Variants in ALDH1L2 observed in about 807,000 individuals in gnomAD.
ALDH1L2 encodes mitochondrial 10-formyltetrahydrofolate dehydrogenase.
In ALDH1L2, 91 loss-of-function variants were observed where a neutral mutation model predicts 111.0. The observed-to-expected ratio is 0.82, with a 90% CI of 0.69 to 0.98. ALDH1L2 has a LOEUF of 0.98. Among genes scored for constraint, ALDH1L2 ranks in the 50% least tolerant of loss-of-function variants. The probability of loss-of-function intolerance (pLI) is 0.00; values close to 1 mark genes in which losing one functional copy is unlikely to be tolerated. For synonymous variants in ALDH1L2, 374 were observed against 392.6 expected (o/e 0.95, Z 0.56); for missense variants, 995 against 1,126.8 (o/e 0.88, Z 1.67).
At chr12:105,034,277 G>T in intron 19 of ALDH1L2, 23 bp downstream of exon 19, 1 of 1,609,330 alleles carries the variant, frequency 6.2e-7, no homozygotes, top group Non-Finnish European at 8.5e-7. Flanking sequence ...AAACAACTCA[G>T]AGTAAATGTG....
Position 105,034,410 on chromosome 12 carries a change from G to A in ALDH1L2, c.2146-12C>T, listed in dbSNP as rs966305576. ...ACTGCTCCCATGCCCTTCAGTGGGAGAAGAGAAAATATTGCTAACATCATT... is the reference window on the plus strand; with the variant it reads ...ACTGCTCCCATGCCCTTCAGTGGGAAAAGAGAAAATATTGCTAACATCATT... On this transcript the variant is annotated splice_polypyrimidine_tract_variant and intron_variant, in intron 18 of 22. Transcript: ENST00000258494. 15 of 1,606,000 alleles carry A rather than the reference G, an allele frequency of 9.3e-6. No homozygotes were observed. The highest frequency in any genetic ancestry group is 2.2e-5 in the East Asian group (1 of 44,704).
chr12:105,030,955 T>G (rs1436659916), intron 20 of ALDH1L2, among the ~76,000 whole-genome samples: 1 of 152,248 alleles, frequency 6.6e-6, no homozygotes, highest in Non-Finnish European at 1.5e-5. Flanking sequence ...TTTAGATTTC[T>G]TAAGGATCTT....
rs1369769530 is a variant in ALDH1L2 at position 105,065,025 on chromosome 12, A to C, written c.786+242T>G. ...TCCATGATAGCGTTTATCTTACTGC[A>C]CTGAGAATGTTTATTCACTTCTCTG... On this transcript the variant is annotated intron_variant, in intron 6 of 22. Coordinates refer to ENST00000258494, the MANE Select transcript of ALDH1L2 (RefSeq NM_001034173.4). 2.0e-5 allele frequency among the ~76,000 whole-genome samples: 3 copies of C among 152,230 alleles called. No individual in the cohort carries two copies. The East Asian group carries it at 5.8e-4, about 29-fold the overall frequency.
intron 8 of ALDH1L2, among the ~76,000 whole-genome samples, 193 bp from the exon 9 acceptor site, chr12:105,061,265 C>T (rs1286799999): frequency 6.6e-6 from 1 of 152,092 alleles, no homozygotes; most frequent in Non-Finnish European, 1.5e-5. Context: ...CCTGCACCAC[C>T]CCAGTCCTAG....
intron 7 of ALDH1L2, 34 bp downstream of exon 7, chr12:105,062,854 G>A (rs1877082219): frequency 1.3e-6 from 2 of 1,596,378 alleles, no homozygotes; most frequent in Non-Finnish European, 8.5e-7. Context: ...AAAATCAAAA[G>A]GTTATTTCAT....
At position 105,022,521 on chromosome 12, in the gene ALDH1L2, G is replaced by A. The variant is rs1049993458; in HGVS notation, c.*1903C>T. On this transcript the variant is annotated 3_prime_UTR_variant, in exon 23 of 23. Coordinates refer to ENST00000258494, the MANE Select transcript of ALDH1L2 (RefSeq NM_001034173.4). Reference sequence around the variant, plus strand: ...ATTCCATCTATCATTAAAATAATTTGATTAAATCATATTCTAAATCACATG... The same window carrying A: ...ATTCCATCTATCATTAAAATAATTTAATTAAATCATATTCTAAATCACATG... 1.3e-5 allele frequency: 2 copies of A among 152,124 alleles called. No homozygotes were observed. Among genetic ancestry groups the A allele is most frequent in the African/African-American group, 2.4e-5 (1 of 41,416 alleles). The allele number at this position is 152,124 out of a possible 1,614,324, so 9.4% of individuals were successfully genotyped here. A position where few individuals can be genotyped will look rare whatever the true frequency, so the allele number is the denominator to read the frequency against.
chr12:105,042,717 G>C (rs559017885), intron 15 of ALDH1L2, among the ~76,000 whole-genome samples: 57 of 152,072 alleles, frequency 3.7e-4, no homozygotes, highest in Non-Finnish European at 4.7e-4. Flanking sequence ...ATGTTCTATA[G>C]ATAATTTCAT....
In ALDH1L2 at chr12:105,061,713, T is replaced by C. The variant is rs1346328432; in HGVS notation, c.961A>G (p.Ile321Val). ...GTTGAAAAGTACTGAGAGGCAGGGA[T>C]CATTTTTCCATCTTCAAACTGCAGA... ...RNLQFEDGKM[I>V]PASQYFSTGE... Residue 321 changes from isoleucine (I) to valine (V), a missense_variant, in exon 8 of 23, where the codon ATC becomes GTC. By Grantham distance (29) the Ile-to-Val change is conservative. Transcript: ENST00000258494. The C allele has an allele frequency of 6.2e-7, 1 of 1,614,166 alleles. No individual in the cohort carries two copies. Among genetic ancestry groups the C allele is most frequent in the African/African-American group, 1.3e-5 (1 of 75,028 alleles).
intron 2 of ALDH1L2, among the ~76,000 whole-genome samples, chr12:105,072,044 C>G (rs1223554142): frequency 6.6e-6 from 1 of 151,164 alleles, no homozygotes; most frequent in Non-Finnish European, 1.5e-5. Context: ...TATTATCGTG[C>G]CACTACGCTC....
chr12:105,039,871 C>T (rs1182601759), intron 16 of ALDH1L2, 65 bp from the exon 17 acceptor site: 10 of 1,420,866 alleles, frequency 7.0e-6, no homozygotes, highest in Non-Finnish European at 8.9e-6. Flanking sequence ...TGGCTTACGC[C>T]TGTAATCCCC....
rs1187812393 is a variant in ALDH1L2, at chr12:105,023,671, A to T, written c.*753T>A. Reference sequence around the variant, plus strand: ...GAAGCAGAGGCTCAGAGGAGTTGCGAGAGTTTCCCAAAGTTACATAGATAG... The same window carrying T: ...GAAGCAGAGGCTCAGAGGAGTTGCGTGAGTTTCCCAAAGTTACATAGATAG... On this transcript the variant is annotated 3_prime_UTR_variant, in exon 23 of 23. Coordinates refer to ENST00000258494, the MANE Select transcript of ALDH1L2 (RefSeq NM_001034173.4). 6.6e-6 allele frequency: 1 copy of T among 152,160 alleles called. No homozygotes were observed. Among genetic ancestry groups the T allele is most frequent in the African/African-American group, 2.4e-5 (1 of 41,440 alleles). The allele number at this position is 152,160 out of a possible 1,614,324, so 9.4% of individuals were successfully genotyped here. A position where few individuals can be genotyped will look rare whatever the true frequency, so the allele number is the denominator to read the frequency against.
At chr12:105,044,602 C>T (rs575299423) in intron 15 of ALDH1L2, among the ~76,000 whole-genome samples, 13 of 148,504 alleles carry the variant, frequency 8.8e-5, no homozygotes, top group Non-Finnish European at 1.6e-4. Context: ...GAGTGGGAGA[C>T]AGTACTCTTG....
chr12:105,084,420 C>G lies in ALDH1L2; in HGVS notation c.17G>C (p.Ser6Thr). The G allele has an allele frequency of 1.3e-6, 2 of 1,493,624 alleles. No homozygotes were observed. Among genetic ancestry groups the G allele is most frequent in the Non-Finnish European group, 1.8e-6 (2 of 1,128,398 alleles). 92.5% of individuals were successfully genotyped at this position (1,493,624 alleles called of 1,614,324 possible). Residue 6 changes from serine to threonine, a missense_variant, in exon 1 of 23, where the codon AGC becomes ACC. Physicochemically the swap from Ser to Thr is moderately conservative, Grantham distance 58. Coordinates refer to ENST00000258494, the MANE Select transcript of ALDH1L2 (RefSeq NM_001034173.4). Reference sequence around the variant, plus strand: ...AGTGGAGAAGCGCCGGAGCGCCTGGCTGCCCCGCCGCAGCATGCTGGAGAG... The same window carrying G: ...AGTGGAGAAGCGCCGGAGCGCCTGGGTGCCCCGCCGCAGCATGCTGGAGAG... MLRRG[S>T]QALRRFSTGR...
At position 105,026,620 on chromosome 12, in the gene ALDH1L2, T is replaced by C. The variant is rs1874422079; in HGVS notation, c.2641A>G (p.Ile881Val). The C allele has an allele frequency of 6.2e-7, 1 of 1,614,066 alleles. No individual in the cohort carries two copies. Among genetic ancestry groups the C allele is most frequent in the African/African-American group, 1.3e-5 (1 of 74,934 alleles). The change falls in exon 22 of 23, where the codon ATT (isoleucine) becomes GTT (valine). Residue 881 changes from isoleucine (I) to valine (V), a missense_variant. By Grantham distance (29) the Ile-to-Val change is conservative (BLOSUM62 3). Coordinates refer to ENST00000258494, the MANE Select transcript of ALDH1L2 (RefSeq NM_001034173.4). ...SEKLEAGTVF[I>V]NTYNKTDVAA... is the part of the protein sequence containing the mutation. ...ACATCTGTCTTGTTGTATGTGTTAA[T>C]AAAAACAGTTCCTGCTTCCAGTTTT... is the stretch of plus-strand genomic sequence containing the variant.
intron 21 of ALDH1L2, among the ~76,000 whole-genome samples, chr12:105,027,459 G>A (rs1351220586): frequency 1.3e-5 from 2 of 152,156 alleles, no homozygotes; most frequent in South Asian, 2.1e-4. Context: ...GCCTGAAGCC[G>A]TTTCAGATCC....
intron 15 of ALDH1L2, among the ~76,000 whole-genome samples, chr12:105,043,208 T>C (rs908442638): frequency 6.6e-6 from 1 of 152,198 alleles, no homozygotes; most frequent in African/African-American, 2.4e-5. Flanking sequence ...CCTTGCTCAT[T>C]TGCCTTCAGA....
chr12:105,049,900 G>A lies in ALDH1L2; in HGVS notation c.1686+8C>T, dbSNP rs1876143301. 1 of 1,608,052 alleles carries A rather than the reference G, an allele frequency of 6.2e-7. No homozygotes were observed. The highest frequency in any genetic ancestry group is 1.7e-4 in the Middle Eastern group (1 of 6,034). The stretch of plus-strand genomic sequence containing the variant: ...TTTTCTTTCAGAACAAATAATATTT[G>A]TGCTTACCTGAATTTTGTCGCACCA... On this transcript the variant is annotated splice_region_variant and intron_variant, in intron 13 of 22. Transcript: ENST00000258494.
intron 15 of ALDH1L2, among the ~76,000 whole-genome samples, chr12:105,041,321 C>G (rs1875519283): frequency 1.3e-5 from 2 of 152,278 alleles, no homozygotes; most frequent in South Asian, 4.1e-4. Context: ...TACAATGTCT[C>G]TTTGTCTGGA....
At chr12:105,064,477 T>C (rs1362929322) in intron 6 of ALDH1L2, among the ~76,000 whole-genome samples, 3 of 152,146 alleles carry the variant, frequency 2.0e-5, no homozygotes, top group Admixed American at 2.0e-4. Context: ...TGGTCACCCA[T>C]CGAGCCCATG....
Sources: gnomAD v4.1 joint callset for allele counts (sites outside exome capture counted in the v4.1 genomes callset) on GRCh38, gnomAD v4.1.1 for gene constraint, MANE v1.5 for transcripts, NCBI Gene and HGNC (gene_info 2026-07-23, HGNC 2026-07-21) for gene names.